Variants in MYPN observed in about 807,000 individuals in gnomAD.
MYPN encodes sarcomeric protein myopalladin, 145 kDa (MYOP).
In MYPN, 63 loss-of-function variants were observed where a neutral mutation model predicts 129.4. That is an observed-to-expected ratio of 0.49 (90% confidence interval 0.40 to 0.60). MYPN has a LOEUF of 0.60. MYPN is among the 20% of genes least tolerant of loss of function. MYPN has a pLI of 0.00. For synonymous variants in MYPN, 629 were observed against 600.9 expected (o/e 1.05, Z -0.68); for missense variants, 1,596 against 1,635.4 (o/e 0.98, Z 0.42).
intron 2 of MYPN, among the ~76,000 whole-genome samples, chr10:68,131,382 G>T (rs550527145): frequency 2.0e-5 from 3 of 149,764 alleles, no homozygotes; most frequent in Admixed American, 2.0e-4. Context: ...GATCGAGACT[G>T]TGTCTCAAAA....
At chr10:68,138,961 A>G (rs987613418) in intron 2 of MYPN, among the ~76,000 whole-genome samples, 3 of 152,046 alleles carry the variant, frequency 2.0e-5, no homozygotes, top group African/African-American at 7.2e-5. Flanking sequence ...TCTATTGCAA[A>G]TTTGTCTTAA....
At chr10:68,182,584 G>A (rs1296557826) in intron 12 of MYPN, among the ~76,000 whole-genome samples, 1 of 150,020 alleles carries the variant, frequency 6.7e-6, no homozygotes, top group Non-Finnish European at 1.5e-5. Context: ...TCGGCTCACT[G>A]CAACCTGTGC....
In MYPN at chr10:68,197,465, G is replaced by A. The variant is rs768452699; in HGVS notation, c.3272G>A (p.Arg1091Gln). ...GTAGCTCATGAGGGGCGCCTCTGTCGGCTGGACTGTAAGGTAGACTCCAGC... is the reference window on the plus strand; with the variant it reads ...GTAGCTCATGAGGGGCGCCTCTGTCAGCTGGACTGTAAGGTAGACTCCAGC... ...DMVAHEGRLCRLDCKVSGLPP... is the reference protein window; with the variant it reads ...DMVAHEGRLCQLDCKVSGLPP... The change falls in exon 16 of 20, where the codon CGG becomes CAG. Residue 1091 changes from arginine to glutamine, a missense_variant. Physicochemically the swap from Arg to Gln is conservative, Grantham distance 43. Transcript: ENST00000358913. The A allele has an allele frequency of 3.5e-5, 56 of 1,613,636 alleles. No individual in the cohort carries two copies. The highest frequency in any genetic ancestry group is 4.5e-5 in the Non-Finnish European group (53 of 1,179,860).
chr10:68,147,882 A>G (rs2042695512), intron 4 of MYPN, among the ~76,000 whole-genome samples: 1 of 152,170 alleles, frequency 6.6e-6, no homozygotes. Context: ...ACTTCATGCC[A>G]TTTCTACTTT....
At chr10:68,112,362 A>G (rs1374293604) in intron 1 of MYPN, among the ~76,000 whole-genome samples, 1 of 152,232 alleles carries the variant, frequency 6.6e-6, no homozygotes, top group Admixed American at 6.5e-5. Context: ...ATACAAAAAC[A>G]TACATAATAC....
chr10:68,109,373 C>T (rs2042050308), upstream of MYPN: 1 of 360,188 alleles, frequency 2.8e-6, no homozygotes, highest in African/African-American at 2.1e-5. Flanking sequence ...TTGACCCCCA[C>T]CCCCATAGGT....
chr10:68,187,341 T>C (rs2043438675), intron 12 of MYPN, among the ~76,000 whole-genome samples: 1 of 152,082 alleles, frequency 6.6e-6, no homozygotes, highest in South Asian at 2.1e-4. Flanking sequence ...TTCAGAAAAT[T>C]TCATAGAAAT....
chr10:68,123,721 ATAAG>A lies in MYPN; in HGVS notation c.902+1384_902+1387del, dbSNP rs1267863317. On this transcript the variant is annotated intron_variant, in intron 2 of 19. Coordinates refer to ENST00000358913, the MANE Select transcript of MYPN (RefSeq NM_032578.4). ...AATAAATAAATAAATAAATAAATAA[ATAAG>A]TATAATTAAAAATTCAGTTATTTAG... Among the ~76,000 whole-genome samples the A allele has an allele frequency of 2.7e-3, 376 of 139,730 alleles. 6 individuals carry two copies. Among genetic ancestry groups the A allele is most frequent in the South Asian group, 0.01 (46 of 4,440 alleles). 91.7% of individuals were successfully genotyped at this position (139,730 alleles called of 152,430 possible). A position where few individuals can be genotyped will look rare whatever the true frequency, so the allele number is the denominator to read the frequency against.
chr10:68,203,720 CAGAG>C (rs371058853), intron 18 of MYPN, among the ~76,000 whole-genome samples: 41 of 115,756 alleles, frequency 3.5e-4, no homozygotes, highest in African/African-American at 9.3e-4. Context: ...CATACACACA[CAGAG>C]AGAGAGAGAG....
chr10:68,130,615 A>G (rs376352264), intron 2 of MYPN, among the ~76,000 whole-genome samples: 5 of 152,048 alleles, frequency 3.3e-5, no homozygotes, highest in East Asian at 3.9e-4. Flanking sequence ...AGATAATTAG[A>G]TATTCTTAAC....
At chr10:68,139,528 A>G (rs1048606997) in intron 2 of MYPN, among the ~76,000 whole-genome samples, 12 of 152,182 alleles carry the variant, frequency 7.9e-5, no homozygotes, top group African/African-American at 2.7e-4. Context: ...GTAAAGATAA[A>G]CATATGTGCT....
Position 68,150,052 on chromosome 10 carries a change from AC to A in MYPN, c.1260del (p.Asn421IlefsTer38). On this transcript the variant is annotated frameshift_variant, in exon 6 of 20. Transcript: ENST00000358913. LOFTEE classifies it high-confidence loss of function. ...VATIQQCQSP[T>X]NYLQGLDGKP... The stretch of plus-strand genomic sequence containing the variant: ...TCCCTTCTACCAGTGTCAGAGCCCC[AC>A]CAATTACTTGCAGGGATTGGATGGA... 1 of 1,613,692 alleles carries A rather than the reference AC, an allele frequency of 6.2e-7. No individual in the cohort carries two copies. Among genetic ancestry groups the A allele is most frequent in the Non-Finnish European group, 8.5e-7 (1 of 1,179,648 alleles).
In MYPN at chr10:68,162,339, G is replaced by A. The variant is rs190263572; in HGVS notation, c.1483+587G>A. On this transcript the variant is annotated intron_variant, in intron 8 of 19. Coordinates refer to ENST00000358913, the MANE Select transcript of MYPN (RefSeq NM_032578.4). ...GAATATTTTTCCTCCATAAATGGCCGCCATTTGAGCCCTCTCAAAACTAGG... is the reference window on the plus strand; with the variant it reads ...GAATATTTTTCCTCCATAAATGGCCACCATTTGAGCCCTCTCAAAACTAGG... Among the ~76,000 whole-genome samples the A allele has an allele frequency of 2.6e-3, 398 of 152,226 alleles. 1 individual carries two copies. The highest frequency in any genetic ancestry group is 8.8e-3 in the African/African-American group (367 of 41,532).
intron 6 of MYPN, 117 bp downstream of exon 6, chr10:68,150,228 A>G: frequency 1.1e-6 from 1 of 902,440 alleles, no homozygotes. Flanking sequence ...TATGTACGGT[A>G]TAGGGTTTGG....
In MYPN at chr10:68,174,155, T is replaced by G. The variant is rs1343113626; in HGVS notation, c.2063T>G (p.Phe688Cys). Residue 688 changes from phenylalanine (F) to cysteine (C), a missense_variant, in exon 11 of 20, where the codon TTT becomes TGT. Physicochemically the swap from Phe to Cys is radical, Grantham distance 205. Transcript: ENST00000358913. Reference sequence around the variant, plus strand: ...CCACCTCCTTCATCTCCTAAGGAGTTTCCTTTCAGCATGACTGTTTTGAAC... The same window carrying G: ...CCACCTCCTTCATCTCCTAAGGAGTGTCCTTTCAGCATGACTGTTTTGAAC... ...QNPPPSSPKE[F>C]PFSMTVLNSN... is the part of the protein sequence containing the mutation. 6.2e-7 allele frequency: 1 copy of G among 1,613,990 alleles called. No individual in the cohort carries two copies.
chr10:68,105,227 T>G (rs1246327675), upstream of MYPN, among the ~76,000 whole-genome samples: 2 of 152,218 alleles, frequency 1.3e-5, no homozygotes, highest in Non-Finnish European at 2.9e-5. Flanking sequence ...CTTGGGCAAG[T>G]TTTAAACTTC....
intron 2 of MYPN, among the ~76,000 whole-genome samples, chr10:68,127,734 C>G (rs909955755): frequency 6.6e-6 from 1 of 152,088 alleles, no homozygotes; most frequent in African/African-American, 2.4e-5. Context: ...GCCACTGAAA[C>G]TTTTGAGGCA....
intron 1 of MYPN, among the ~76,000 whole-genome samples, chr10:68,110,271 C>CTG (rs1460599017): frequency 3.2e-4 from 48 of 152,236 alleles, no homozygotes; most frequent in African/African-American, 1.1e-3. Context: ...CTCTCTCTCT[C>CTG]TCCGTCTCTT....
chr10:68,179,759 C>A (rs1467294446), intron 12 of MYPN, among the ~76,000 whole-genome samples: 1 of 152,018 alleles, frequency 6.6e-6, no homozygotes, highest in African/African-American at 2.4e-5. Context: ...TTCTCGGGCT[C>A]AAGTGATCCT....
Sources: gnomAD v4.1 joint callset for allele counts (sites outside exome capture counted in the v4.1 genomes callset) on GRCh38, gnomAD v4.1.1 for gene constraint, MANE v1.5 for transcripts, NCBI Gene and HGNC (gene_info 2026-07-23, HGNC 2026-07-21) for gene names.